Variants in ABCA13 observed in about 807,000 individuals in gnomAD.
ABCA13 encodes ATP binding cassette subfamily A member 13.
A neutral mutation model predicts 478.7 loss-of-function variants in ABCA13; 476 were observed. That is an observed-to-expected ratio of 0.99 (90% CI 0.92 to 1.07). ABCA13 has a LOEUF of 1.07. ABCA13 is among the 50% of genes least tolerant of loss of function. The probability of loss-of-function intolerance (pLI) is 0.00; values close to 1 mark genes in which losing one functional copy is unlikely to be tolerated. For synonymous variants in ABCA13, 2,252 were observed against 2,158.9 expected (o/e 1.04, Z -1.20); for missense variants, 6,060 against 5,910.6 (o/e 1.03, Z -0.83).
chr7:48,373,137 T>C (rs1367889469), intron 33 of ABCA13, among the ~76,000 whole-genome samples: 10 of 152,196 alleles, frequency 6.6e-5, no homozygotes, highest in African/African-American at 2.4e-4. Context: ...ACACTTGCAC[T>C]GTGCTCAAGA....
intron 3 of ABCA13, among the ~76,000 whole-genome samples, chr7:48,206,615 T>A (rs991763165): frequency 2.6e-5 from 4 of 151,634 alleles, no homozygotes; most frequent in South Asian, 2.1e-4. Context: ...TTAAAAAAAA[T>A]TTTGTTTCTG....
intron 42 of ABCA13, among the ~76,000 whole-genome samples, chr7:48,432,534 G>T (rs1463601031): frequency 6.6e-6 from 1 of 152,066 alleles, no homozygotes; most frequent in East Asian, 1.9e-4. Flanking sequence ...GTTTATTGCA[G>T]CACCATTCAT....
intron 8 of ABCA13, 148 bp from the exon 9 acceptor site, chr7:48,239,093 A>T: frequency 1.3e-6 from 1 of 783,066 alleles, no homozygotes; most frequent in Non-Finnish European, 2.0e-6. Context: ...TCTTCCCTCA[A>T]GGTAAATCAC....
chr7:48,283,708 C>T (rs955783708), intron 19 of ABCA13, among the ~76,000 whole-genome samples: 1 of 152,194 alleles, frequency 6.6e-6, no homozygotes, highest in Non-Finnish European at 1.5e-5. Context: ...TGCCTCCTTA[C>T]TGTCACGATG....
At chr7:48,392,553 T>C (rs1816228066) in intron 38 of ABCA13, among the ~76,000 whole-genome samples, 1 of 152,134 alleles carries the variant, frequency 6.6e-6, no homozygotes, top group South Asian at 2.1e-4. Context: ...ACTCCTTCCT[T>C]CCTTCCTGTC....
chr7:48,234,168 G>C lies in ABCA13; in HGVS notation c.897+17G>C, dbSNP rs1789594100. 1 of 1,613,666 alleles carries C rather than the reference G, an allele frequency of 6.2e-7. No individual in the cohort carries two copies. The highest frequency in any genetic ancestry group is 2.2e-5 in the East Asian group (1 of 44,862). On this transcript the variant is annotated intron_variant, in intron 8 of 61. Coordinates refer to ENST00000435803, the MANE Select transcript of ABCA13 (RefSeq NM_152701.5). ...CTGAAGGAGGTACACATGCTTGACT[G>C]CTTCTCACACCGCTGGGCCTTTCCT... is the stretch of plus-strand genomic sequence containing the variant.
At chr7:48,457,713 A>G (rs561268262) in intron 43 of ABCA13, among the ~76,000 whole-genome samples, 4 of 152,294 alleles carry the variant, frequency 2.6e-5, no homozygotes, top group East Asian at 3.9e-4. Context: ...TCATCCTTAC[A>G]AAGGAGTCCT....
chr7:48,295,226 A>T (rs1022980252), intron 20 of ABCA13, among the ~76,000 whole-genome samples: 9 of 152,204 alleles, frequency 5.9e-5, no homozygotes, highest in African/African-American at 2.2e-4. Context: ...AGCCATCCTA[A>T]CAGGTATGAG....
chr7:48,389,375 T>G (rs1177984894), intron 37 of ABCA13, among the ~76,000 whole-genome samples, 155 bp downstream of exon 37: 1 of 152,178 alleles, frequency 6.6e-6, no homozygotes, highest in Non-Finnish European at 1.5e-5. Flanking sequence ...GAGCCCCTCA[T>G]GAGTGCCCGT....
At chr7:48,261,669 A>C (rs886786181) in intron 15 of ABCA13, among the ~76,000 whole-genome samples, 8 of 150,894 alleles carry the variant, frequency 5.3e-5, no homozygotes, top group Non-Finnish European at 1.0e-4. Flanking sequence ...TGTTCATTAA[A>C]ATAGTTTTTT....
chr7:48,350,348 C>G (rs1195951270), intron 29 of ABCA13, among the ~76,000 whole-genome samples: 2 of 152,034 alleles, frequency 1.3e-5, no homozygotes, highest in Non-Finnish European at 2.9e-5. Flanking sequence ...GTTGTTTATC[C>G]TGTTGTCTCC....
intron 38 of ABCA13, among the ~76,000 whole-genome samples, chr7:48,401,458 A>G (rs2129071070): frequency 6.6e-6 from 1 of 152,270 alleles, no homozygotes; most frequent in South Asian, 2.1e-4. Context: ...AGCTTCCCAT[A>G]GCATGTTGAT....
chr7:48,297,371 A>G, intron 22 of ABCA13, 60 bp downstream of exon 22: 3 of 1,408,932 alleles, frequency 2.1e-6, no homozygotes, highest in Non-Finnish European at 2.9e-6. Context: ...TCTCATGCAA[A>G]TATATTATTA....
chr7:48,410,989 TTCTTTCTTTCTTTC>T (rs1818967684), intron 40 of ABCA13, among the ~76,000 whole-genome samples: 1 of 84,120 alleles, frequency 1.2e-5, no homozygotes, highest in Admixed American at 1.3e-4. Context: ...CTTTCTTTCT[TTCTTTCTTTCTTTC>T]TTTCTTTCTT....
chr7:48,234,791 G>T (rs1789700498), intron 8 of ABCA13, among the ~76,000 whole-genome samples: 2 of 152,168 alleles, frequency 1.3e-5, no homozygotes, highest in African/African-American at 4.8e-5. Flanking sequence ...AACTATGCGG[G>T]ACCTGGAGCT....
intron 19 of ABCA13, among the ~76,000 whole-genome samples, chr7:48,282,462 CA>C: frequency 6.6e-6 from 1 of 152,092 alleles, no homozygotes; most frequent in East Asian, 1.9e-4. Context: ...GTTTTGACAA[CA>C]TGAATCGAAG....
intron 8 of ABCA13, among the ~76,000 whole-genome samples, chr7:48,235,743 A>T (rs1441155116): frequency 1.3e-5 from 2 of 152,190 alleles, no homozygotes; most frequent in African/African-American, 4.8e-5. Flanking sequence ...AATTAACCTG[A>T]TAAAAGACAG....
At chr7:48,463,822 T>TGAACG (rs1248088539) in intron 43 of ABCA13, among the ~76,000 whole-genome samples, 1 of 149,124 alleles carries the variant, frequency 6.7e-6, no homozygotes, top group Non-Finnish European at 1.5e-5. Context: ...GGAATGGAAC[T>TGAACG]GAACGGAACG....
chr7:48,364,640 C>G (rs1264253276), intron 31 of ABCA13, among the ~76,000 whole-genome samples: 3 of 152,066 alleles, frequency 2.0e-5, no homozygotes, highest in Non-Finnish European at 2.9e-5. Context: ...TTTTAGCTCC[C>G]ACGTATGAGT....
Sources: allele counts gnomAD v4.1 joint callset (sites outside exome capture counted in the v4.1 genomes callset), GRCh38; gene constraint gnomAD v4.1.1; transcripts MANE v1.5; gene names NCBI Gene and HGNC (gene_info 2026-07-23, HGNC 2026-07-21).